USH2A: variants seen among roughly 807,000 people sequenced by gnomAD.
USH2A encodes the protein Usher syndrome 2A (autosomal recessive, mild).
Under a neutral mutation model 538.9 loss-of-function variants are expected in USH2A, and 443 were observed. The observed-to-expected ratio is 0.82, with a 90% CI of 0.76 to 0.89. The LOEUF is 0.89. USH2A is among the 40% of genes least tolerant of loss of function. The pLI is 0.00. For missense variants in USH2A, 6,633 were observed against 6,324.8 expected, an observed-to-expected ratio of 1.05 and a Z score of -1.65; for synonymous variants, 2,413 against 2,273.5, an observed-to-expected ratio of 1.06 and a Z score of -1.75.
rs139074715 is a variant in USH2A at position 216,143,132 on chromosome 1, G to C, written c.4627+32120C>G. ...AACCTCTGCCAAACTTGTCTATGTT[G>C]TAATAAGTGTGCCTTCCCAAATGGA... is the stretch of plus-strand genomic sequence containing the variant. On this transcript the variant is annotated intron_variant, in intron 21 of 71. Coordinates refer to ENST00000307340, the MANE Select transcript of USH2A (RefSeq NM_206933.4). Among the ~76,000 whole-genome samples the C allele has an allele frequency of 2.0e-3, 305 of 152,128 alleles. 4 individuals are homozygous for C. Among genetic ancestry groups the C allele is most frequent in the African/African-American group, 7.0e-3 (289 of 41,494 alleles).
intron 35 of USH2A, among the ~76,000 whole-genome samples, chr1:215,984,072 A>G (rs1452819291): frequency 6.6e-6 from 1 of 152,188 alleles, no homozygotes; most frequent in African/African-American, 2.4e-5. Flanking sequence ...GTTGCTGCCC[A>G]TGGACAAACC....
Position 215,789,919 on chromosome 1 carries a change from G to A in USH2A, c.10182+140C>T, listed in dbSNP as rs924906239. ...AACATCAATCATAGCGAACTCATTC[G>A]GTATTAATATGGATGTAATGTGAAA... On this transcript the variant is annotated intron_variant, in intron 51 of 71. Transcript: ENST00000307340. The A allele has an allele frequency of 1.0e-4, 76 of 743,600 alleles. No individual in the cohort carries two copies. The Middle Eastern group carries it at 1.2e-3, about 11-fold the overall frequency. 46.1% of individuals were successfully genotyped at this position (743,600 alleles called of 1,614,324 possible).
rs1202102883 is a variant in USH2A, at chr1:216,237,065, A to G, written c.2810-4929T>C. Among the ~76,000 whole-genome samples, 4 of 152,256 alleles carry G rather than the reference A, an allele frequency of 2.6e-5. No individual in the cohort carries two copies. In the South Asian group the frequency reaches 8.3e-4, roughly 32 times the overall value. On this transcript the variant is annotated intron_variant, in intron 13 of 71. Coordinates refer to ENST00000307340, the MANE Select transcript of USH2A (RefSeq NM_206933.4). ...AGCAAAACTTATATTCTCTGTTCCC[A>G]TTCAGTGTTTATCAAATGCATGCTC...
intron 44 of USH2A, among the ~76,000 whole-genome samples, chr1:215,858,295 G>T (rs1664223769): frequency 6.6e-6 from 1 of 151,764 alleles, no homozygotes; most frequent in African/African-American, 2.4e-5. Flanking sequence ...GATATGGTTA[G>T]GTCCCATGTC....
chr1:215,697,284 A>T (rs1658848847), intron 61 of USH2A, among the ~76,000 whole-genome samples: 1 of 152,006 alleles, frequency 6.6e-6, no homozygotes, highest in Non-Finnish European at 1.5e-5. Flanking sequence ...ATATTAGACG[A>T]TAACATGGCT....
intron 15 of USH2A, among the ~76,000 whole-genome samples, chr1:216,211,938 T>A (rs1437101616): frequency 2.0e-5 from 3 of 152,128 alleles, no homozygotes; most frequent in African/African-American, 7.2e-5. Flanking sequence ...CAAAGAACCT[T>A]GCAATTCATG....
At chr1:215,752,946 A>T (rs1356160857) in intron 58 of USH2A, among the ~76,000 whole-genome samples, 2 of 152,210 alleles carry the variant, frequency 1.3e-5, no homozygotes, top group Non-Finnish European at 2.9e-5. Context: ...TCTACAATGA[A>T]CTCAAACAAA....
At chr1:215,685,650 G>C (rs1050935898) in intron 61 of USH2A, among the ~76,000 whole-genome samples, 1 of 151,912 alleles carries the variant, frequency 6.6e-6, no homozygotes, top group African/African-American at 2.4e-5. Context: ...GAGCCACAGA[G>C]CCTGGCCATC....
chr1:215,715,282 A>G (rs1193560056), intron 61 of USH2A, among the ~76,000 whole-genome samples: 2 of 152,190 alleles, frequency 1.3e-5, no homozygotes, highest in African/African-American at 4.8e-5. Flanking sequence ...GATAGAAATT[A>G]TACTTTTAAT....
Position 216,078,282 on chromosome 1 carries a change from T to G in USH2A, c.5379A>C (p.Leu1793=), listed in dbSNP as rs199938570. ...AFTQVDLLLG[L]SYCNGKWNKV... is the part of the protein sequence containing the mutation. ...TATTCCACTTTCCATTACAATAGGATAGCCCCAGCAATAGATCCACTTGTG... is the reference window on the plus strand; with the variant it reads ...TATTCCACTTTCCATTACAATAGGAGAGCCCCAGCAATAGATCCACTTGTG... Residue 1793 remains leucine (L), a synonymous_variant, in exon 27 of 72, where the codon CTA becomes CTC. Coordinates refer to ENST00000307340, the MANE Select transcript of USH2A (RefSeq NM_206933.4). 1.9e-6 allele frequency: 3 copies of G among 1,613,720 alleles called. No homozygotes were observed. The East Asian group carries it at 6.7e-5, about 36-fold the overall frequency.
chr1:216,416,749 A>C (rs2039584048), intron 3 of USH2A, among the ~76,000 whole-genome samples: 1 of 152,124 alleles, frequency 6.6e-6, no homozygotes, highest in Admixed American at 6.6e-5. Flanking sequence ...TTCTTTGTGA[A>C]GCTTTTAATG....
intron 7 of USH2A, 82 bp from the exon 8 acceptor site, chr1:216,323,777 A>G (rs915932875): frequency 5.6e-6 from 7 of 1,256,396 alleles, no homozygotes; most frequent in Non-Finnish European, 8.1e-6. Flanking sequence ...AGAAATTACT[A>G]CACAGTATCA....
intron 55 of USH2A, among the ~76,000 whole-genome samples, chr1:215,775,037 A>C (rs1307331685): frequency 6.6e-6 from 1 of 152,120 alleles, no homozygotes; most frequent in Non-Finnish European, 1.5e-5. Context: ...ATTACATAGT[A>C]ACTGGGGGGA....
chr1:216,323,879 A>G (rs1168623025), intron 7 of USH2A, among the ~76,000 whole-genome samples, 184 bp from the exon 8 acceptor site: 2 of 152,160 alleles, frequency 1.3e-5, no homozygotes, highest in African/African-American at 4.8e-5. Flanking sequence ...CCACACTAAA[A>G]CAGTTCCTTG....
chr1:215,792,881 A>G (rs145232052), intron 50 of USH2A, among the ~76,000 whole-genome samples: 1 of 152,348 alleles, frequency 6.6e-6, no homozygotes, highest in Admixed American at 6.5e-5. Flanking sequence ...ATTCTTCCAG[A>G]GCCTCTTCAT....
At chr1:216,373,056 C>T (rs1255166126) in intron 3 of USH2A, among the ~76,000 whole-genome samples, 2 of 152,144 alleles carry the variant, frequency 1.3e-5, no homozygotes, top group Non-Finnish European at 2.9e-5. Context: ...ATAAAGAAAA[C>T]TGCTCTTCAT....
At chr1:216,283,717 C>T (rs1037993807) in intron 11 of USH2A, among the ~76,000 whole-genome samples, 5 of 152,120 alleles carry the variant, frequency 3.3e-5, no homozygotes, top group African/African-American at 9.7e-5. Context: ...GGAAACTATC[C>T]TTGCAGACCA....
chr1:216,069,586 T>C (rs538400585), intron 30 of USH2A, among the ~76,000 whole-genome samples: 2 of 152,306 alleles, frequency 1.3e-5, no homozygotes, highest in Admixed American at 6.5e-5. Context: ...TGTATGAGTA[T>C]ATTTCATTAT....
chr1:216,304,704 G>C (rs950451340), intron 9 of USH2A, among the ~76,000 whole-genome samples: 1 of 151,822 alleles, frequency 6.6e-6, no homozygotes, highest in South Asian at 2.1e-4. Flanking sequence ...GGTTTTGATA[G>C]GTTGTGTCAC....
Sources: gnomAD v4.1 joint callset for allele counts (sites outside exome capture counted in the v4.1 genomes callset) on GRCh38, gnomAD v4.1.1 for gene constraint, MANE v1.5 for transcripts, NCBI Gene and HGNC (gene_info 2026-07-23, HGNC 2026-07-21) for gene names.